CHRM2: variants seen among roughly 807,000 people sequenced by gnomAD.
The protein encoded by CHRM2 is muscarinic acetylcholine receptor M2.
A neutral mutation model predicts 25.0 loss-of-function variants in CHRM2; 8 were observed. That is an observed-to-expected ratio of 0.32 (90% confidence interval 0.19 to 0.58). The LOEUF is 0.58. CHRM2 is among the 20% of genes least tolerant of loss of function. The probability of loss-of-function intolerance (pLI) is 0.88; values close to 1 mark genes in which losing one functional copy is unlikely to be tolerated. For missense variants in CHRM2, 440 were observed against 567.1 expected, an observed-to-expected ratio of 0.78 and a Z score of 2.28; for synonymous variants, 202 against 205.7, an observed-to-expected ratio of 0.98 and a Z score of 0.15.
intron 3 of CHRM2, among the ~76,000 whole-genome samples, chr7:136,999,322 C>T (rs566834623): frequency 2.0e-5 from 3 of 152,168 alleles, no homozygotes; most frequent in South Asian, 2.1e-4. Context: ...CCATGGCACA[C>T]GTTTATTTAT....
intron 2 of CHRM2, among the ~76,000 whole-genome samples, chr7:136,959,217 T>C (rs905241467): frequency 6.6e-6 from 1 of 152,228 alleles, no homozygotes; most frequent in Non-Finnish European, 1.5e-5. Flanking sequence ...TACCCACCAA[T>C]AAATCTATAT....
In CHRM2 at chr7:136,869,945, T is replaced by A. The variant is rs1412542475; in HGVS notation, c.-125+527T>A. On this transcript the variant is annotated intron_variant, in intron 2 of 3. Coordinates refer to ENST00000680005, the MANE Select transcript of CHRM2 (RefSeq NM_001006630.2). This position sits in a 1 kb window ranked among gnomAD's most constrained non-coding sequence, Gnocchi z 4.9. ...CTCCGAGCTGTCCCCCGGCTCCGCT[T>A]TCGGAGCAGCCCTTGGGCGCTGGAG... The A allele has an allele frequency of 1.3e-5, 2 of 152,324 alleles. No homozygotes were observed. Among genetic ancestry groups the A allele is most frequent in the Non-Finnish European group, 1.5e-5 (1 of 68,190 alleles). The allele number at this position is 152,324 out of a possible 1,614,324, so 9.4% of individuals were successfully genotyped here.
chr7:136,954,531 A>G (rs543448645), intron 2 of CHRM2, among the ~76,000 whole-genome samples: 137 of 152,298 alleles, frequency 9.0e-4, no homozygotes, highest in African/African-American at 3.0e-3. Context: ...CAAACCTTGC[A>G]TGTCTCCTCT....
rs887877657 is a variant in CHRM2, at chr7:137,019,862, T to C, written c.*3596T>C. 1 of 151,852 alleles carries C rather than the reference T, an allele frequency of 6.6e-6. No homozygotes were observed. The highest frequency in any genetic ancestry group is 1.5e-5 in the Non-Finnish European group (1 of 67,892). The allele number at this position is 151,852 out of a possible 1,614,324, so 9.4% of individuals were successfully genotyped here. A position where few individuals can be genotyped will look rare whatever the true frequency, so the allele number is the denominator to read the frequency against. On this transcript the variant is annotated 3_prime_UTR_variant, in exon 4 of 4. Transcript: ENST00000680005. ...CCTGAAGATCTGACATTGGGAGAGATGGGAATTCAAAATGATGGCAACAAT... is the reference window on the plus strand; with the variant it reads ...CCTGAAGATCTGACATTGGGAGAGACGGGAATTCAAAATGATGGCAACAAT...
At chr7:136,888,048 G>A (rs1796538658) in intron 2 of CHRM2, among the ~76,000 whole-genome samples, 1 of 152,170 alleles carries the variant, frequency 6.6e-6, no homozygotes, top group African/African-American at 2.4e-5. Flanking sequence ...CCTGAGGGGA[G>A]CTCTCTGGGA....
intron 2 of CHRM2, among the ~76,000 whole-genome samples, chr7:136,921,453 A>T (rs2130735370): frequency 6.6e-6 from 1 of 152,262 alleles, no homozygotes; most frequent in South Asian, 2.1e-4. Flanking sequence ...CTGAAGTTCA[A>T]GTTGACAGCT....
intron 2 of CHRM2, among the ~76,000 whole-genome samples, chr7:136,905,892 A>G (rs563184956): frequency 1.5e-4 from 22 of 151,630 alleles, no homozygotes; most frequent in African/African-American, 5.3e-4. Flanking sequence ...TTACTTTGAA[A>G]AACTGTATTT....
rs145480280 is a variant in CHRM2 at position 137,008,245 on chromosome 7, G to A, written c.-46-6575G>A. On this transcript the variant is annotated intron_variant, in intron 3 of 3. Transcript: ENST00000680005. ...ACTTAAGTATCCTTTACTACCAACC[G>A]CTGGCTCTTCAGTAGGTGAACCCTT... is the stretch of plus-strand genomic sequence containing the variant. Among the ~76,000 whole-genome samples the A allele has an allele frequency of 3.3e-5, 5 of 152,046 alleles. No homozygotes were observed. In the East Asian group the frequency reaches 7.8e-4, roughly 24 times the overall value.
At chr7:136,952,867 T>G (rs1468710914) in intron 2 of CHRM2, among the ~76,000 whole-genome samples, 2 of 152,118 alleles carry the variant, frequency 1.3e-5, no homozygotes, top group Non-Finnish European at 2.9e-5. Context: ...TAATGGCCTC[T>G]AGTTTCATGT....
In CHRM2 at chr7:136,973,641, G is replaced by A. The variant is rs324610; in HGVS notation, c.-124-18546G>A. 2.1e-3 allele frequency among the ~76,000 whole-genome samples: 37 copies of A among 17,918 alleles called. 3 individuals are homozygous for A. The highest frequency in any genetic ancestry group is 5.2e-3 in the East Asian group (5 of 960). 11.8% of individuals were successfully genotyped at this position (17,918 alleles called of 152,430 possible). A position where few individuals can be genotyped will look rare whatever the true frequency, so the allele number is the denominator to read the frequency against. On this transcript the variant is annotated intron_variant, in intron 2 of 3. Coordinates refer to ENST00000680005, the MANE Select transcript of CHRM2 (RefSeq NM_001006630.2). ...GATGGTGGTAGGTGATGACGGTGAC[G>A]GTGTTAGGGATGGTGGTAGGTGATG... is the stretch of plus-strand genomic sequence containing the variant.
intron 2 of CHRM2, among the ~76,000 whole-genome samples, chr7:136,886,793 C>G (rs139397900): frequency 6.6e-6 from 1 of 152,030 alleles, no homozygotes; most frequent in Non-Finnish European, 1.5e-5. Context: ...ATCATTTGAG[C>G]CCCCAGCAGG....
At chr7:136,926,464 A>G (rs898824941) in intron 2 of CHRM2, among the ~76,000 whole-genome samples, 3 of 152,306 alleles carry the variant, frequency 2.0e-5, no homozygotes, top group Admixed American at 6.5e-5. Context: ...AAATCCATGC[A>G]TTCTATTCCA....
chr7:136,966,538 C>A (rs1801426723), intron 2 of CHRM2, among the ~76,000 whole-genome samples: 1 of 151,838 alleles, frequency 6.6e-6, no homozygotes, highest in African/African-American at 2.4e-5. Context: ...TAAAGTCACA[C>A]AGTATTTTGC....
At chr7:137,003,432 C>T (rs566084707) in intron 3 of CHRM2, among the ~76,000 whole-genome samples, 184 of 150,148 alleles carry the variant, frequency 1.2e-3, no homozygotes, top group African/African-American at 4.3e-3. Flanking sequence ...ACCCTTTCCT[C>T]CTCAACTAAC....
chr7:136,936,719 A>C (rs1236330681), intron 2 of CHRM2, among the ~76,000 whole-genome samples: 1 of 152,116 alleles, frequency 6.6e-6, no homozygotes, highest in African/African-American at 2.4e-5. Flanking sequence ...ATTTTCTTTA[A>C]TTACCTTGTG....
At chr7:136,953,472 TAATTTA>T (rs1800536816) in intron 2 of CHRM2, among the ~76,000 whole-genome samples, 1 of 152,172 alleles carries the variant, frequency 6.6e-6, no homozygotes, top group African/African-American at 2.4e-5. Flanking sequence ...ATGAGTACTT[TAATTTA>T]TTTTGTCTAT....
At chr7:136,881,609 C>T (rs1177850717) in intron 2 of CHRM2, among the ~76,000 whole-genome samples, 1 of 152,052 alleles carries the variant, frequency 6.6e-6, no homozygotes, top group Non-Finnish European at 1.5e-5. Context: ...CTTTAACCCA[C>T]CATATCCTCA....
intron 2 of CHRM2, among the ~76,000 whole-genome samples, chr7:136,926,647 A>C (rs1425904860): frequency 6.6e-6 from 1 of 152,212 alleles, no homozygotes; most frequent in African/African-American, 2.4e-5. Flanking sequence ...AACATTGCAA[A>C]GGAGGTGATA....
At chr7:136,889,283 TG>T (rs906718851) in intron 2 of CHRM2, among the ~76,000 whole-genome samples, 2 of 152,046 alleles carry the variant, frequency 1.3e-5, no homozygotes, top group Admixed American at 1.3e-4. Flanking sequence ...CTAAGAGCAC[TG>T]GGGGAACCAC....
Sources: gnomAD v4.1 joint callset for allele counts (sites outside exome capture counted in the v4.1 genomes callset) on GRCh38, gnomAD v4.1.1 for gene constraint, Gnocchi (gnomAD v3.1) non-coding constraint, MANE v1.5 for transcripts, NCBI Gene and HGNC (gene_info 2026-07-23, HGNC 2026-07-21) for gene names.